The following PSMB10 variants were observed in gnomAD, a reference collection of about 807,000 sequenced individuals.
PSMB10 encodes the protein proteasome 20S subunit beta 10.
In PSMB10, 29 loss-of-function variants were observed where a neutral mutation model predicts 29.8. The observed-to-expected ratio is 0.97, with a 90% CI of 0.73 to 1.33. The LOEUF (loss-of-function observed/expected upper bound fraction) is 1.33. Among genes scored for constraint, PSMB10 ranks in the 40% most tolerant of loss-of-function variants. PSMB10 has a pLI of 0.00. For missense variants in PSMB10, 327 were observed against 369.2 expected (o/e 0.89, Z 0.94); for synonymous variants, 157 against 164.7 (o/e 0.95, Z 0.36).
At position 67,936,329 on chromosome 16, in the gene PSMB10, A is replaced by T; in HGVS notation, c.145-17T>A. ...GACCCCGTCCTGAGGAGAGGGAGGG[A>T]CCGCAGCTTCAGTGCCTGCTCGATA... On this transcript the variant is annotated splice_polypyrimidine_tract_variant and intron_variant, in intron 2 of 7. Transcript: ENST00000358514. The T allele has an allele frequency of 6.2e-7, 1 of 1,611,264 alleles. No individual in the cohort carries two copies. The highest frequency in any genetic ancestry group is 8.5e-7 in the Non-Finnish European group (1 of 1,178,382).
In PSMB10 at chr16:67,936,841, C is replaced by T; in HGVS notation, c.-92G>A. The T allele has an allele frequency of 9.2e-7, 1 of 1,086,150 alleles. No individual in the cohort carries two copies. The highest frequency in any genetic ancestry group is 1.3e-6 in the Non-Finnish European group (1 of 745,202). The allele number at this position is 1,086,150 out of a possible 1,614,324, so 67.3% of individuals were successfully genotyped here. On this transcript the variant is annotated 5_prime_UTR_variant, in exon 1 of 8. Coordinates refer to ENST00000358514, the MANE Select transcript of PSMB10 (RefSeq NM_002801.4). ...AGCAGCTAAAAAGTCCTCTGCTAGG[C>T]TTCACGTCTGTACTTCCTGCTTTCG...
Position 67,935,632 on chromosome 16 carries a change from T to C in PSMB10, c.449A>G (p.Tyr150Cys). 6.2e-7 allele frequency: 1 copy of C among 1,614,186 alleles called. No individual in the cohort carries two copies. The highest frequency in any genetic ancestry group is 8.5e-7 in the Non-Finnish European group (1 of 1,180,034). The stretch of plus-strand genomic sequence containing the variant: ...GTAGGAGCCATGGGGATGCACACCG[T>C]AGAGCTGCGGTCCAGTCAGGTCTAC... ...GGVDLTGPQL[Y>C]GVHPHGSYSR... Residue 150 changes from tyrosine (Y) to cysteine (C), a missense_variant, in exon 5 of 8, where the codon TAC (tyrosine) becomes TGC (cysteine). Transcript: ENST00000358514.
chr16:67,935,739 G>C, intron 4 of PSMB10, 42 bp from the exon 5 acceptor site: 2 of 1,597,752 alleles, frequency 1.3e-6, no homozygotes, highest in Non-Finnish European at 1.7e-6. Context: ...CTGGGGCCTA[G>C]GCCCCACCTC....
chr16:67,936,030 C>T lies in PSMB10; in HGVS notation c.316G>A (p.Ala106Thr), dbSNP rs1013570966. 2.5e-6 allele frequency: 4 copies of T among 1,612,696 alleles called. No individual in the cohort carries two copies. The highest frequency in any genetic ancestry group is 1.3e-5 in the African/African-American group (1 of 74,872). ...RMVASKMELH[A>T]LSTGREPRVA... Reference sequence around the variant, plus strand: ...CGGGGCTCGCGGCCCGTAGATAACGCGTGTAGCTCCATCTTGGACGCCACC... The same window carrying T: ...CGGGGCTCGCGGCCCGTAGATAACGTGTGTAGCTCCATCTTGGACGCCACC... Residue 106 changes from alanine (A) to threonine (T), a missense_variant, in exon 4 of 8, where the codon GCG (alanine) becomes ACG (threonine). Physicochemically the swap from Ala to Thr is moderately conservative, Grantham distance 58. Transcript: ENST00000358514.
At position 67,936,123 on chromosome 16, in the gene PSMB10, C is replaced by T; in HGVS notation, c.243-20G>A. 5 of 1,607,046 alleles carry T rather than the reference C, an allele frequency of 3.1e-6. No individual in the cohort carries two copies. The highest frequency in any genetic ancestry group is 1.7e-5 in the Admixed American group (1 of 59,928). On this transcript the variant is annotated intron_variant, in intron 3 of 7. Coordinates refer to ENST00000358514, the MANE Select transcript of PSMB10 (RefSeq NM_002801.4). ...CAGCAGCTGAGGCAAAAGGGAGGATCGGTGTGGGCAGGGCTGGGACGTGCG... is the reference window on the plus strand; with the variant it reads ...CAGCAGCTGAGGCAAAAGGGAGGATTGGTGTGGGCAGGGCTGGGACGTGCG...
chr16:67,934,979 GCT>G lies in PSMB10; in HGVS notation c.559-33_559-32del. 5 of 1,600,026 alleles carry G rather than the reference GCT, an allele frequency of 3.1e-6. No individual in the cohort carries two copies. Among genetic ancestry groups the G allele is most frequent in the African/African-American group, 1.3e-5 (1 of 74,852 alleles). On this transcript the variant is annotated intron_variant, in intron 6 of 7. Transcript: ENST00000358514. This position sits in a 1 kb window ranked among gnomAD's most constrained non-coding sequence, Gnocchi z 4.3. ...GTGATGGGTGTGTGAGACCTAACGG[GCT>G]CTCTCTGCTGTTAACTTAGGCTACA... is the stretch of plus-strand genomic sequence containing the variant.
Position 67,936,117 on chromosome 16 carries a change from G to C in PSMB10, c.243-14C>G. On this transcript the variant is annotated splice_polypyrimidine_tract_variant and intron_variant, in intron 3 of 7. Transcript: ENST00000358514. ...GCCCCACAGCAGCTGAGGCAAAAGG[G>C]AGGATCGGTGTGGGCAGGGCTGGGA... 1 of 1,608,428 alleles carries C rather than the reference G, an allele frequency of 6.2e-7. No individual in the cohort carries two copies. Among genetic ancestry groups the C allele is most frequent in the African/African-American group, 1.3e-5 (1 of 74,962 alleles).
At chr16:67,935,833 A>G in intron 4 of PSMB10, 130 bp downstream of exon 4, 1 of 1,481,618 alleles carries the variant, frequency 6.7e-7, no homozygotes, top group Non-Finnish European at 9.1e-7. Context: ...CCTGTAGCCC[A>G]GGTTCTCTTG....
At chr16:67,935,068 T>C (rs2058257689) in intron 6 of PSMB10, 120 bp from the exon 7 acceptor site, 2 of 1,356,876 alleles carry the variant, frequency 1.5e-6, no homozygotes, top group African/African-American at 2.9e-5. Context: ...CCCACTGTGT[T>C]TCTCCCTCTG....
At position 67,936,252 on chromosome 16, in the gene PSMB10, T is replaced by C. The variant is rs576855989; in HGVS notation, c.205A>G (p.Ser69Gly). The C allele has an allele frequency of 1.4e-5, 22 of 1,613,928 alleles. No homozygotes were observed. Among genetic ancestry groups the C allele is most frequent in the South Asian group, 7.7e-5 (7 of 91,072 alleles). Residue 69 changes from serine (S) to glycine (G), a missense_variant, in exon 3 of 8, where the codon AGC (serine) becomes GGC (glycine). Transcript: ENST00000358514. ...ATNDSVVADK[S>G]CEKIHFIAPK... Reference sequence around the variant, plus strand: ...GCGATGAAGTGGATCTTCTCGCAGCTCTTGTCCGCCACGACCGAATCGTTA... The same window carrying C: ...GCGATGAAGTGGATCTTCTCGCAGCCCTTGTCCGCCACGACCGAATCGTTA...
intron 3 of PSMB10, 22 bp from the exon 4 acceptor site, chr16:67,936,125 G>T (rs770657215): frequency 6.2e-7 from 1 of 1,607,892 alleles, no homozygotes; most frequent in East Asian, 2.2e-5. Flanking sequence ...GGGAGGATCG[G>T]TGTGGGCAGG....
chr16:67,936,718 C>G lies in PSMB10; in HGVS notation c.32G>C (p.Gly11Ala). The stretch of plus-strand genomic sequence containing the variant: ...CCTTTGGCAGTTCTCGAAGGAGAAG[C>G]CCCCTCGGGGCTCCAGGGCTGGCTT... The part of the protein sequence containing the change: MLKPALEPRG[G>A]FSFENCQRNA... The change falls in exon 1 of 8, where the codon GGC becomes GCC. Residue 11 changes from glycine (G) to alanine (A), a missense_variant. Transcript: ENST00000358514. 1 of 1,556,812 alleles carries G rather than the reference C, an allele frequency of 6.4e-7. No homozygotes were observed. The highest frequency in any genetic ancestry group is 8.7e-7 in the Non-Finnish European group (1 of 1,149,824).
chr16:67,935,850 C>T, intron 4 of PSMB10, 113 bp downstream of exon 4: 2 of 1,500,338 alleles, frequency 1.3e-6, no homozygotes, highest in Non-Finnish European at 1.8e-6. Context: ...CTTGGGCCGG[C>T]CTCTTCCGGT....
chr16:67,936,498 G>A lies in PSMB10; in HGVS notation c.57-13C>T. 1 of 1,609,108 alleles carries A rather than the reference G, an allele frequency of 6.2e-7. No individual in the cohort carries two copies. The highest frequency in any genetic ancestry group is 8.5e-7 in the Non-Finnish European group (1 of 1,177,406). ...CAATGATGCATTTCTGGAAACGGAG[G>A]AGGGCGCCCATGTTTCGGCTCTGCT... On this transcript the variant is annotated splice_polypyrimidine_tract_variant and intron_variant, in intron 1 of 7. Coordinates refer to ENST00000358514, the MANE Select transcript of PSMB10 (RefSeq NM_002801.4).
chr16:67,935,228 G>T, intron 6 of PSMB10, 192 bp downstream of exon 6: 1 of 752,278 alleles, frequency 1.3e-6, no homozygotes, highest in Non-Finnish European at 2.1e-6. Flanking sequence ...ACTTCTCCCA[G>T]CCGTGCAGGC....
chr16:67,935,485 G>T lies in PSMB10; in HGVS notation c.500-7C>A, dbSNP rs1176525007. The T allele has an allele frequency of 3.1e-6, 5 of 1,613,942 alleles. No homozygotes were observed. Among genetic ancestry groups the T allele is most frequent in the Middle Eastern group, 1.6e-4 (1 of 6,076 alleles). On this transcript the variant is annotated splice_polypyrimidine_tract_variant and splice_region_variant and intron_variant, in intron 5 of 7. Transcript: ENST00000358514. ...GCCGCGTCCTGACCAGAGCCTGAAG[G>T]CAGGAGAAGCATCTGAAGTCAACCG...
In PSMB10 at chr16:67,934,930, G is replaced by T. The variant is rs760538889; in HGVS notation, c.577C>A (p.Leu193Met). ...PNMTLEAAQG[L>M]LVEAVTAGIL... is the part of the protein sequence containing the mutation. The stretch of plus-strand genomic sequence containing the variant: ...CCGGCGGTGACGGCTTCCACCAGCA[G>T]CCCCTGAGCAGCCTCCAGCTGCGGT... Residue 193 changes from leucine (L) to methionine (M), a missense_variant, in exon 7 of 8, where the codon CTG (leucine) becomes ATG (methionine). Physicochemically the swap from Leu to Met is conservative, Grantham distance 15. Coordinates refer to ENST00000358514, the MANE Select transcript of PSMB10 (RefSeq NM_002801.4). The surrounding 1 kb of genome is among the most constrained non-coding windows in gnomAD (Gnocchi z 4.3). 6.2e-7 allele frequency: 1 copy of T among 1,612,228 alleles called. No individual in the cohort carries two copies. Among genetic ancestry groups the T allele is most frequent in the Non-Finnish European group, 8.5e-7 (1 of 1,180,004 alleles).
chr16:67,936,378 C>A lies in PSMB10; in HGVS notation c.144+20G>T. On this transcript the variant is annotated intron_variant, in intron 2 of 7. Transcript: ENST00000358514. ...TACTCTCGGCTCCCCTCCAGCTCCC[C>A]GTCCCTCCCCGCTGCTCACTTGGAA... 1 of 1,611,230 alleles carries A rather than the reference C, an allele frequency of 6.2e-7. No individual in the cohort carries two copies. The highest frequency in any genetic ancestry group is 1.1e-5 in the South Asian group (1 of 90,962).
chr16:67,934,568 C>T lies in PSMB10; in HGVS notation c.814G>A (p.Val272Met), dbSNP rs775122137. 6.8e-6 allele frequency: 11 copies of T among 1,613,950 alleles called. 1 individual carries two copies. The highest frequency in any genetic ancestry group is 9.3e-6 in the Non-Finnish European group (11 of 1,179,794). ...LVEETVQAME[V>M]E ...AAGCTCTAAGCCTCAGCTTACTCCA[C>T]CTCCATAGCCTGCACAGTTTCCTCC... is the stretch of plus-strand genomic sequence containing the variant. The change falls in exon 8 of 8, where the codon GTG becomes ATG. Residue 272 changes from valine to methionine, a missense_variant. By Grantham distance (21) the Val-to-Met change is conservative (BLOSUM62 1). Transcript: ENST00000358514. This position sits in a 1 kb window ranked among gnomAD's most constrained non-coding sequence, Gnocchi z 4.3.
Sources: gnomAD v4.1 joint callset for allele counts on GRCh38, gnomAD v4.1.1 for gene constraint, Gnocchi (gnomAD v3.1) non-coding constraint, MANE v1.5 for transcripts, NCBI Gene and HGNC (gene_info 2026-07-23, HGNC 2026-07-21) for gene names.